KIRREL3: variants seen among roughly 807,000 people sequenced by gnomAD.
The protein encoded by KIRREL3 is kin of IRRE-like protein 3.
Under a neutral mutation model 89.7 loss-of-function variants are expected in KIRREL3, and 36 were observed. The ratio of observed to expected loss-of-function variants is 0.40; its 90% CI spans 0.31 to 0.53. The LOEUF is 0.53. Ranked by LOEUF, KIRREL3 falls within the 20% of genes least tolerant of loss-of-function variation. The pLI, the probability that KIRREL3 is intolerant of heterozygous loss-of-function variation, is 0.49. For missense variants in KIRREL3, 864 were observed against 1,056.6 expected (o/e 0.82, Z 2.53); for synonymous variants, 445 against 441.4 (o/e 1.01, Z -0.10).
In KIRREL3 at chr11:126,978,445, C is replaced by T. The variant is rs533155622; in HGVS notation, c.55+22010G>A. 4.6e-5 allele frequency among the ~76,000 whole-genome samples: 7 copies of T among 152,258 alleles called. No individual in the cohort carries two copies. The East Asian group carries it at 1.4e-3, about 29-fold the overall frequency. On this transcript the variant is annotated intron_variant, in intron 1 of 16. Transcript: ENST00000525144. This position sits in a 1 kb window ranked among gnomAD's most constrained non-coding sequence, Gnocchi z 4.2. ...CAGCAATTATGTCCTAAAGGAAAGT[C>T]CCCTGGTAACCTCAAACAGGTTGCT...
intron 1 of KIRREL3, among the ~76,000 whole-genome samples, chr11:126,756,912 A>G (rs541440159): frequency 1.3e-5 from 2 of 152,326 alleles, no homozygotes; most frequent in African/African-American, 4.8e-5. Context: ...CGAAGGCACC[A>G]CCTGCACTCA....
intron 1 of KIRREL3, among the ~76,000 whole-genome samples, chr11:126,910,741 G>A (rs1946783569): frequency 1.3e-5 from 2 of 152,202 alleles, no homozygotes; most frequent in Non-Finnish European, 2.9e-5. Context: ...CTACATGAAT[G>A]TGTTAGCTGG....
rs954620729 is a variant in KIRREL3, at chr11:126,698,473, A to T, written c.56-135561T>A. On this transcript the variant is annotated intron_variant, in intron 1 of 16. Transcript: ENST00000525144. ...TTCTCATCTGCCGGCTTGTCTTAGT[A>T]GGTCAGCTCTGGAGAGACGACAGGT... Among the ~76,000 whole-genome samples, 3 of 152,226 alleles carry T rather than the reference A, an allele frequency of 2.0e-5. No individual in the cohort carries two copies. In the East Asian group the frequency reaches 5.8e-4, roughly 29 times the overall value.
rs1948874816 is a variant in KIRREL3 at position 126,954,753 on chromosome 11, C to T, written c.55+45702G>A. Among the ~76,000 whole-genome samples the T allele has an allele frequency of 1.3e-5, 2 of 152,106 alleles. No individual in the cohort carries two copies. The highest frequency in any genetic ancestry group is 2.9e-5 in the Non-Finnish European group (2 of 68,024). On this transcript the variant is annotated intron_variant, in intron 1 of 16. Coordinates refer to ENST00000525144, the MANE Select transcript of KIRREL3 (RefSeq NM_032531.4). The surrounding 1 kb of genome is among the most constrained non-coding windows in gnomAD (Gnocchi z 4.1). ...AGTTCCTACCGTGGTAGGCTTCATC[C>T]CTGTAGATGGCCTGGCTTACCCTTG...
At chr11:126,692,343 G>A (rs1388470104) in intron 1 of KIRREL3, among the ~76,000 whole-genome samples, 3 of 151,876 alleles carry the variant, frequency 2.0e-5, no homozygotes, top group African/African-American at 4.8e-5. Flanking sequence ...TCAGGAGTTC[G>A]AGACCAGTCT....
In KIRREL3 at chr11:126,729,295, C is replaced by A. The variant is rs1253400317; in HGVS notation, c.56-166383G>T. Among the ~76,000 whole-genome samples the A allele has an allele frequency of 6.6e-6, 1 of 152,152 alleles. No homozygotes were observed. Among genetic ancestry groups the A allele is most frequent in the Non-Finnish European group, 1.5e-5 (1 of 68,026 alleles). On this transcript the variant is annotated intron_variant, in intron 1 of 16. Coordinates refer to ENST00000525144, the MANE Select transcript of KIRREL3 (RefSeq NM_032531.4). This position sits in a 1 kb window ranked among gnomAD's most constrained non-coding sequence, Gnocchi z 4.5. ...CGCTGGCTTAACAACAAATCTAATT[C>A]TTTTAGGGAAAAGAGGTAGTGCATG...
chr11:126,446,734 C>T (rs773930406), intron 9 of KIRREL3, 25 bp downstream of exon 9: 1 of 1,587,146 alleles, frequency 6.3e-7, no homozygotes, highest in Admixed American at 1.8e-5. Context: ...CCAGAGGTGC[C>T]CCGAGGTCTG....
Position 126,655,423 on chromosome 11 carries a change from C to A in KIRREL3, c.56-92511G>T, listed in dbSNP as rs976321912. On this transcript the variant is annotated intron_variant, in intron 1 of 16. Coordinates refer to ENST00000525144, the MANE Select transcript of KIRREL3 (RefSeq NM_032531.4). The surrounding 1 kb of genome is among the most constrained non-coding windows in gnomAD (Gnocchi z 5.0). Reference sequence around the variant, plus strand: ...ATGCCTCCTTTGTCTCCCTGAAAAGCCTGCCTCTTTTCTCCTTCACCCCTC... The same window carrying A: ...ATGCCTCCTTTGTCTCCCTGAAAAGACTGCCTCTTTTCTCCTTCACCCCTC... Among the ~76,000 whole-genome samples, 1 of 152,152 alleles carries A rather than the reference C, an allele frequency of 6.6e-6. No individual in the cohort carries two copies. The highest frequency in any genetic ancestry group is 1.5e-5 in the Non-Finnish European group (1 of 68,030).
chr11:126,709,981 C>A lies in KIRREL3; in HGVS notation c.56-147069G>T, dbSNP rs1188113076. Among the ~76,000 whole-genome samples, 2 of 152,198 alleles carry A rather than the reference C, an allele frequency of 1.3e-5. No homozygotes were observed. The highest frequency in any genetic ancestry group is 2.9e-5 in the Non-Finnish European group (2 of 68,034). ...ACATTCTGCATTCATTATCACTAAT[C>A]CTTACACATGCCCTGCCAGGAAGTT... On this transcript the variant is annotated intron_variant, in intron 1 of 16. Coordinates refer to ENST00000525144, the MANE Select transcript of KIRREL3 (RefSeq NM_032531.4). This position sits in a 1 kb window ranked among gnomAD's most constrained non-coding sequence, Gnocchi z 4.0.
intron 1 of KIRREL3, among the ~76,000 whole-genome samples, chr11:126,821,338 T>C (rs1461955009): frequency 1.5e-5 from 1 of 66,258 alleles, no homozygotes; most frequent in African/African-American, 4.7e-5. Context: ...AGTATATATA[T>C]ATATATATAT....
In KIRREL3 at chr11:126,628,675, G is replaced by T. The variant is rs910682905; in HGVS notation, c.56-65763C>A. Among the ~76,000 whole-genome samples the T allele has an allele frequency of 6.6e-6, 1 of 152,200 alleles. No homozygotes were observed. The highest frequency in any genetic ancestry group is 2.4e-5 in the African/African-American group (1 of 41,464). On this transcript the variant is annotated intron_variant, in intron 1 of 16. Coordinates refer to ENST00000525144, the MANE Select transcript of KIRREL3 (RefSeq NM_032531.4). The surrounding 1 kb of genome is among the most constrained non-coding windows in gnomAD (Gnocchi z 5.2). Reference sequence around the variant, plus strand: ...CCCCAGCAGAGAATAGAAACTGACTGTCATTCTCTCTGCCTCTCCTGAAAG... The same window carrying T: ...CCCCAGCAGAGAATAGAAACTGACTTTCATTCTCTCTGCCTCTCCTGAAAG...
Position 126,676,597 on chromosome 11 carries a change from G to T in KIRREL3, c.56-113685C>A, listed in dbSNP as rs1946199931. ...AGTCTGTGAATACGTATTCTGAGGG[G>T]TCTTTGAGTTCTCAAGTTCAGGAAA... On this transcript the variant is annotated intron_variant, in intron 1 of 16. Coordinates refer to ENST00000525144, the MANE Select transcript of KIRREL3 (RefSeq NM_032531.4). The surrounding 1 kb of genome is among the most constrained non-coding windows in gnomAD (Gnocchi z 4.5). 2.0e-5 allele frequency among the ~76,000 whole-genome samples: 3 copies of T among 152,068 alleles called. No homozygotes were observed. Among genetic ancestry groups the T allele is most frequent in the Admixed American group, 2.0e-4 (3 of 15,274 alleles).
rs949971142 is a variant in KIRREL3, at chr11:126,900,061, T to C, written c.55+100394A>G. 6.6e-6 allele frequency among the ~76,000 whole-genome samples: 1 copy of C among 152,212 alleles called. No homozygotes were observed. Among genetic ancestry groups the C allele is most frequent in the Non-Finnish European group, 1.5e-5 (1 of 68,036 alleles). On this transcript the variant is annotated intron_variant, in intron 1 of 16. Transcript: ENST00000525144. The surrounding 1 kb of genome is among the most constrained non-coding windows in gnomAD (Gnocchi z 4.4). ...GTGGTTGTTTTGTAAAAGGAATAGCTAGCTGGTGGGTCACTTCCTCTGCTC... is the reference window on the plus strand; with the variant it reads ...GTGGTTGTTTTGTAAAAGGAATAGCCAGCTGGTGGGTCACTTCCTCTGCTC...
chr11:126,626,069 C>A (rs952904522), intron 1 of KIRREL3, among the ~76,000 whole-genome samples: 1 of 152,212 alleles, frequency 6.6e-6, no homozygotes, highest in African/African-American at 2.4e-5. Flanking sequence ...ATTCTGGAAT[C>A]AGAACCCTGC....
chr11:126,746,428 C>T (rs186409547), intron 1 of KIRREL3, among the ~76,000 whole-genome samples: 137 of 152,262 alleles, frequency 9.0e-4, no homozygotes, highest in African/African-American at 2.9e-3. Flanking sequence ...CATTGAGACT[C>T]CCTAATTCAT....
intron 1 of KIRREL3, among the ~76,000 whole-genome samples, chr11:126,895,009 G>A (rs1277538015): frequency 6.6e-6 from 1 of 152,096 alleles, no homozygotes; most frequent in East Asian, 1.9e-4. Context: ...TTTTCAAGGG[G>A]AGCACTCTGC....
At position 126,443,382 on chromosome 11, in the gene KIRREL3, C is replaced by T. The variant is rs1955661378; in HGVS notation, c.1252+1597G>A. On this transcript the variant is annotated intron_variant, in intron 10 of 16. Coordinates refer to ENST00000525144, the MANE Select transcript of KIRREL3 (RefSeq NM_032531.4). The surrounding 1 kb of genome is among the most constrained non-coding windows in gnomAD (Gnocchi z 7.3). ...TGCGCTGAAAGGAAAAGGCTGCAGC[C>T]TGTGTTGCCATGGATATACGGAGGC... Among the ~76,000 whole-genome samples the T allele has an allele frequency of 6.6e-6, 1 of 152,202 alleles. No homozygotes were observed. The highest frequency in any genetic ancestry group is 6.5e-5 in the Admixed American group (1 of 15,284).
Position 126,997,408 on chromosome 11 carries a change from C to T in KIRREL3, c.55+3047G>A, listed in dbSNP as rs976933141. Among the ~76,000 whole-genome samples the T allele has an allele frequency of 6.6e-6, 1 of 152,124 alleles. No homozygotes were observed. Among genetic ancestry groups the T allele is most frequent in the Non-Finnish European group, 1.5e-5 (1 of 68,002 alleles). On this transcript the variant is annotated intron_variant, in intron 1 of 16. Transcript: ENST00000525144. The surrounding 1 kb of genome is among the most constrained non-coding windows in gnomAD (Gnocchi z 4.3). ...CAAGCAGTACACACTGGCAGCTCTC[C>T]ATTCCCTTGTTGGGAGCCAGGCCTG...
chr11:126,883,101 G>A lies in KIRREL3; in HGVS notation c.55+117354C>T, dbSNP rs1239178939. Among the ~76,000 whole-genome samples the A allele has an allele frequency of 6.6e-6, 1 of 152,196 alleles. No individual in the cohort carries two copies. ...CCTCGTTTAAGTGACAGCAGGTAGGGTTTGTTACTTTAATTCACTTTGCCT... is the reference window on the plus strand; with the variant it reads ...CCTCGTTTAAGTGACAGCAGGTAGGATTTGTTACTTTAATTCACTTTGCCT... On this transcript the variant is annotated intron_variant, in intron 1 of 16. Coordinates refer to ENST00000525144, the MANE Select transcript of KIRREL3 (RefSeq NM_032531.4). The surrounding 1 kb of genome is among the most constrained non-coding windows in gnomAD (Gnocchi z 4.1).
Sources: allele counts gnomAD v4.1 joint callset (sites outside exome capture counted in the v4.1 genomes callset), GRCh38; gene constraint gnomAD v4.1.1; non-coding constraint Gnocchi (gnomAD v3.1); transcripts MANE v1.5; gene names NCBI Gene and HGNC (gene_info 2026-07-23, HGNC 2026-07-21).